The following GADL1 variants were observed in gnomAD, a reference collection of about 807,000 sequenced individuals.
The protein encoded by GADL1 is GAD like acidic amino acid decarboxylase 1.
A neutral mutation model predicts 69.5 loss-of-function variants in GADL1; 71 were observed. The observed-to-expected ratio is 1.02, with a 90% CI of 0.84 to 1.25. The LOEUF is 1.25. Among genes scored for constraint, GADL1 ranks in the 50% most tolerant of loss-of-function variants. The probability of loss-of-function intolerance (pLI) is 0.00; values close to 1 mark genes in which losing one functional copy is unlikely to be tolerated. For missense variants in GADL1, 737 were observed against 631.8 expected, an observed-to-expected ratio of 1.17 and a Z score of -1.79; for synonymous variants, 254 against 214.4, an observed-to-expected ratio of 1.18 and a Z score of -1.62.
At chr3:30,824,014 A>C (rs1256019644) in intron 11 of GADL1, among the ~76,000 whole-genome samples, 1 of 151,860 alleles carries the variant, frequency 6.6e-6, no homozygotes, top group African/African-American at 2.4e-5. Flanking sequence ...ATATGTATTT[A>C]ATTGACATGC....
chr3:30,871,216 G>C (rs186890089), intron 1 of GADL1, among the ~76,000 whole-genome samples: 2 of 151,732 alleles, frequency 1.3e-5, no homozygotes, highest in African/African-American at 2.4e-5. Flanking sequence ...GTTACTTACT[G>C]AGTGGGCAAT....
At position 30,813,377 on chromosome 3, in the gene GADL1, G is replaced by GACA. The variant is rs1697398138; in HGVS notation, c.1051-12290_1051-12289insTGT. Among the ~76,000 whole-genome samples, 6 of 100,466 alleles carry GACA rather than the reference G, an allele frequency of 6.0e-5. 1 individual carries two copies. Among genetic ancestry groups the GACA allele is most frequent in the Non-Finnish European group, 6.7e-5 (4 of 59,278 alleles). 65.9% of individuals were successfully genotyped at this position (100,466 alleles called of 152,430 possible). On this transcript the variant is annotated intron_variant, in intron 11 of 14. Transcript: ENST00000282538. Reference sequence around the variant, plus strand: ...GGATTAATTGCATCTCTCCAAAATAGGCAGACATATAGAAATGTTCTCTTT... The same window carrying GACA: ...GGATTAATTGCATCTCTCCAAAATAGACAGCAGACATATAGAAATGTTCTCTTT...
At chr3:30,868,440 A>G (rs1169093708) in intron 1 of GADL1, among the ~76,000 whole-genome samples, 1 of 152,026 alleles carries the variant, frequency 6.6e-6, no homozygotes, top group Non-Finnish European at 1.5e-5. Context: ...AGTGGATTCC[A>G]AAGCCTGAGC....
rs1698132474 is a variant in GADL1 at position 30,850,563 on chromosome 3, C to G, written c.535+272G>C. On this transcript the variant is annotated intron_variant, in intron 5 of 14. Transcript: ENST00000282538. ...ATTTTAAAATTTAGAGGACTTACAG[C>G]CCTTCCAAACTTCCAGCATCAAATC... is the stretch of plus-strand genomic sequence containing the variant. 2.0e-5 allele frequency among the ~76,000 whole-genome samples: 3 copies of G among 152,252 alleles called. No individual in the cohort carries two copies. The South Asian group carries it at 6.2e-4, about 32-fold the overall frequency.
intron 1 of GADL1, among the ~76,000 whole-genome samples, chr3:30,873,404 G>C (rs1339175120): frequency 6.6e-6 from 1 of 151,872 alleles, no homozygotes; most frequent in Non-Finnish European, 1.5e-5. Context: ...AAGTCATATA[G>C]CTAGTAAGTG....
intron 6 of GADL1, among the ~76,000 whole-genome samples, chr3:30,845,120 G>T (rs1162615725): frequency 6.6e-6 from 1 of 152,082 alleles, no homozygotes; most frequent in African/African-American, 2.4e-5. Flanking sequence ...AAACACCCAA[G>T]AATGTGGCTA....
chr3:30,844,111 G>A (rs552602020), intron 8 of GADL1, 99 bp downstream of exon 8: 255 of 877,370 alleles, frequency 2.9e-4, no homozygotes, highest in Non-Finnish European at 4.4e-4. Flanking sequence ...GGTTTTGGCT[G>A]TTTGCATTCT....
chr3:30,733,586 CTCCTTCCT>C (rs60344210), intron 14 of GADL1, among the ~76,000 whole-genome samples: 7,151 of 133,540 alleles, frequency 0.054, 375 homozygotes, highest in African/African-American at 0.13. Context: ...TTTTCCTTTT[CTCCTTCCT>C]TCCTTCCTTC....
intron 12 of GADL1, among the ~76,000 whole-genome samples, chr3:30,797,063 C>A (rs1258651878): frequency 1.3e-5 from 2 of 152,160 alleles, no homozygotes; most frequent in African/African-American, 4.8e-5. Flanking sequence ...AGTATTATAA[C>A]GCAATCAGCT....
intron 12 of GADL1, among the ~76,000 whole-genome samples, chr3:30,795,066 AATC>A (rs1160094042): frequency 1.3e-5 from 2 of 152,204 alleles, no homozygotes; most frequent in African/African-American, 2.4e-5. Flanking sequence ...ATACTAAAAC[AATC>A]ATCACGTGCA....
At position 30,839,076 on chromosome 3, in the gene GADL1, G is replaced by A. The variant is rs769862911; in HGVS notation, c.824C>T (p.Thr275Ile). The change falls in exon 9 of 15, where the codon ACA becomes ATA. Residue 275 changes from threonine (T) to isoleucine (I), a missense_variant. Thr to Ile is a moderately conservative substitution (Grantham distance 89). Coordinates refer to ENST00000282538, the MANE Select transcript of GADL1 (RefSeq NM_207359.3). ...AGGGTCAAAAGCTCCCAACACAGTTGTACCAGAAGTGGCACAGACAAGAAA... is the reference window on the plus strand; with the variant it reads ...AGGGTCAAAAGCTCCCAACACAGTTATACCAGAAGTGGCACAGACAAGAAA... ...APFLVCATSG[T>I]TVLGAFDPLD... 25 of 1,604,414 alleles carry A rather than the reference G, an allele frequency of 1.6e-5. No homozygotes were observed. Among genetic ancestry groups the A allele is most frequent in the Non-Finnish European group, 1.9e-5 (22 of 1,175,644 alleles).
intron 14 of GADL1, among the ~76,000 whole-genome samples, chr3:30,753,807 T>C (rs1212226708): frequency 6.6e-6 from 1 of 152,234 alleles, no homozygotes; most frequent in African/African-American, 2.4e-5. Flanking sequence ...ATTCATAAAT[T>C]GCAAGAAAAC....
chr3:30,778,566 C>CT (rs1363189793), intron 13 of GADL1: 1 of 237,718 alleles, frequency 4.2e-6, no homozygotes, highest in South Asian at 8.3e-5. Context: ...TTAGTGCCTG[C>CT]TTACATACAT....
intron 11 of GADL1, among the ~76,000 whole-genome samples, chr3:30,821,483 T>A (rs1429458485): frequency 6.6e-6 from 1 of 151,178 alleles, no homozygotes; most frequent in Non-Finnish European, 1.5e-5. Flanking sequence ...ACTAAAACCA[T>A]GTGATGGGTT....
At chr3:30,777,059 G>T (rs1024083) in intron 14 of GADL1, among the ~76,000 whole-genome samples, 1 of 152,050 alleles carries the variant, frequency 6.6e-6, no homozygotes, top group Admixed American at 6.5e-5. Context: ...GTTACCTTGT[G>T]ATTGTCTCTT....
At chr3:30,753,055 A>G (rs949972785) in intron 14 of GADL1, among the ~76,000 whole-genome samples, 2 of 152,086 alleles carry the variant, frequency 1.3e-5, no homozygotes, top group African/African-American at 2.4e-5. Context: ...TAAACCAGCT[A>G]CTCTTTAAAA....
chr3:30,873,287 A>G (rs1195054137), intron 1 of GADL1, among the ~76,000 whole-genome samples: 1 of 151,998 alleles, frequency 6.6e-6, no homozygotes, highest in Non-Finnish European at 1.5e-5. Context: ...ATATACATAT[A>G]TATGAGGTTA....
intron 1 of GADL1, among the ~76,000 whole-genome samples, chr3:30,889,246 T>C (rs1698752271): frequency 6.6e-6 from 1 of 152,106 alleles, no homozygotes; most frequent in African/African-American, 2.4e-5. Flanking sequence ...CTGCCCTTTA[T>C]AAAACCACTG....
At chr3:30,764,331 TAA>T (rs955266100) in intron 14 of GADL1, among the ~76,000 whole-genome samples, 14 of 151,922 alleles carry the variant, frequency 9.2e-5, no homozygotes, top group African/African-American at 3.1e-4. Context: ...GTGTAGACTC[TAA>T]GAGAAACCAT....
Sources: allele counts gnomAD v4.1 joint callset (sites outside exome capture counted in the v4.1 genomes callset), GRCh38; gene constraint gnomAD v4.1.1; transcripts MANE v1.5; gene names NCBI Gene and HGNC (gene_info 2026-07-23, HGNC 2026-07-21).